Variants in AGO3 observed in about 807,000 individuals in gnomAD.
AGO3 encodes the protein argonaute RISC catalytic component 3.
A neutral mutation model predicts 105.5 loss-of-function variants in AGO3; 16 were observed. That is an observed-to-expected ratio of 0.15 (90% CI 0.10 to 0.23). The LOEUF (loss-of-function observed/expected upper bound fraction) is 0.23. AGO3 is among the 10% of genes least tolerant of loss of function. The probability of loss-of-function intolerance (pLI) is 1.00; values close to 1 mark genes in which losing one functional copy is unlikely to be tolerated. For missense variants in AGO3, 534 were observed against 1,088.0 expected (o/e 0.49, Z 7.16); for synonymous variants, 340 against 367.3 (o/e 0.93, Z 0.85).
intron 1 of AGO3, among the ~76,000 whole-genome samples, chr1:35,944,340 G>GTGCCTGGC (rs974911049): frequency 2.6e-5 from 4 of 151,818 alleles, no homozygotes; most frequent in African/African-American, 9.7e-5. Context: ...ACAAGATGCT[G>GTGCCTGGC]TGCCTGGCTA....
chr1:36,041,072 C>CA (rs35842002), intron 16 of AGO3, among the ~76,000 whole-genome samples: 1,299 of 32,264 alleles, frequency 0.04, 36 homozygotes, highest in African/African-American at 0.091. Context: ...AACTCCATCT[C>CA]AAAAAAAAAA....
chr1:35,936,600 G>A (rs1188041676), intron 1 of AGO3, among the ~76,000 whole-genome samples: 1 of 152,110 alleles, frequency 6.6e-6, no homozygotes, highest in Non-Finnish European at 1.5e-5. Flanking sequence ...GGGATTACAG[G>A]CATGAGCCAC....
At chr1:36,004,781 A>C (rs1040748608) in intron 6 of AGO3, among the ~76,000 whole-genome samples, 4 of 152,150 alleles carry the variant, frequency 2.6e-5, no homozygotes, top group African/African-American at 4.8e-5. Flanking sequence ...AAAAGTAGGA[A>C]GCTCACTCCA....
chr1:36,040,623 G>A (rs538908959), intron 16 of AGO3, among the ~76,000 whole-genome samples, 182 bp downstream of exon 16: 2 of 152,260 alleles, frequency 1.3e-5, no homozygotes, highest in South Asian at 2.1e-4. Flanking sequence ...AGAATTTCTA[G>A]TCACACTCCA....
At chr1:35,966,168 A>G (rs571075822) in intron 2 of AGO3, among the ~76,000 whole-genome samples, 1 of 152,270 alleles carries the variant, frequency 6.6e-6, no homozygotes, top group East Asian at 1.9e-4. Flanking sequence ...ATACTATGTG[A>G]GTACATTCTC....
intron 1 of AGO3, among the ~76,000 whole-genome samples, chr1:35,943,853 G>T (rs777427861): frequency 6.6e-6 from 1 of 151,464 alleles, no homozygotes; most frequent in South Asian, 2.1e-4. Context: ...TGCCCACCTC[G>T]GCCTCCCAAA....
chr1:35,942,881 T>A (rs1646282067), intron 1 of AGO3, among the ~76,000 whole-genome samples: 1 of 152,254 alleles, frequency 6.6e-6, no homozygotes, highest in African/African-American at 2.4e-5. Flanking sequence ...AATCTGCATT[T>A]GCTCATATCT....
At chr1:35,987,993 G>A (rs6682538) in intron 5 of AGO3, among the ~76,000 whole-genome samples, 6,070 of 151,304 alleles carry the variant, frequency 0.04, 412 homozygotes, top group African/African-American at 0.14. Context: ...GCTTGAACCC[G>A]GGAGGCGGAG....
chr1:35,993,959 G>A (rs556210847), intron 5 of AGO3, among the ~76,000 whole-genome samples: 4 of 147,990 alleles, frequency 2.7e-5, no homozygotes, highest in East Asian at 2.0e-4. Flanking sequence ...TTGGCCAGGC[G>A]TGTCTCAAAC....
chr1:36,003,020 G>A (rs1483955890), intron 5 of AGO3, among the ~76,000 whole-genome samples: 5 of 151,974 alleles, frequency 3.3e-5, no homozygotes, highest in Admixed American at 1.3e-4. Context: ...GCAGTGAGCC[G>A]AGATCGCGCC....
intron 5 of AGO3, among the ~76,000 whole-genome samples, chr1:35,994,695 A>G (rs916304746): frequency 1.3e-5 from 2 of 152,240 alleles, no homozygotes; most frequent in South Asian, 2.1e-4. Context: ...ACAGGATGCT[A>G]ACTGCATAAA....
chr1:36,026,155 C>T (rs1339476537), intron 11 of AGO3, among the ~76,000 whole-genome samples: 2 of 152,148 alleles, frequency 1.3e-5, no homozygotes, highest in East Asian at 3.9e-4. Context: ...GTCACCTAGG[C>T]TGGAGTGCAG....
At position 35,991,251 on chromosome 1, in the gene AGO3, C is replaced by T. The variant is rs369554114; in HGVS notation, c.659-13090C>T. ...CAGAGGTTGCAGTGAGCCAAGATCG[C>T]GCCACTGCACCCAGCTTGGGCGACA... On this transcript the variant is annotated intron_variant, in intron 5 of 18. Transcript: ENST00000373191. 5.3e-5 allele frequency among the ~76,000 whole-genome samples: 8 copies of T among 152,134 alleles called. No individual in the cohort carries two copies. In the East Asian group the frequency reaches 9.7e-4, roughly 18 times the overall value.
At chr1:35,966,115 G>A (rs1646770275) in intron 2 of AGO3, among the ~76,000 whole-genome samples, 2 of 152,262 alleles carry the variant, frequency 1.3e-5, no homozygotes, top group South Asian at 4.1e-4. Flanking sequence ...GTAAGCCACT[G>A]TGCCTGGCCT....
Position 36,036,170 on chromosome 1 carries a change from G to GT in AGO3, c.1752-4dup, listed in dbSNP as rs1557703508. On this transcript the variant is annotated splice_polypyrimidine_tract_variant and splice_region_variant and intron_variant, in intron 13 of 18. Coordinates refer to ENST00000373191, the MANE Select transcript of AGO3 (RefSeq NM_024852.4). ...AATATCTAACCCTTTTTCAAAATGT[G>GT]TTTAAGACCTTCTGTGTTCCAGCAA... 9.9e-6 allele frequency: 16 copies of GT among 1,612,792 alleles called. No individual in the cohort carries two copies. Among genetic ancestry groups the GT allele is most frequent in the Non-Finnish European group, 1.3e-5 (15 of 1,179,310 alleles).
intron 5 of AGO3, among the ~76,000 whole-genome samples, chr1:35,996,166 A>AT (rs869070504): frequency 5.3e-5 from 8 of 151,720 alleles, no homozygotes; most frequent in Admixed American, 2.0e-4. Context: ...TAGTAAAAAA[A>AT]TTTTTTTAAT....
intron 1 of AGO3, among the ~76,000 whole-genome samples, chr1:35,942,690 T>C (rs764309484): frequency 6.6e-6 from 1 of 152,210 alleles, no homozygotes; most frequent in Non-Finnish European, 1.5e-5. Context: ...AATTTAGTGC[T>C]GGACATCACA....
chr1:35,975,798 G>C (rs1403829512), intron 5 of AGO3, among the ~76,000 whole-genome samples: 1 of 151,956 alleles, frequency 6.6e-6, no homozygotes, highest in East Asian at 1.9e-4. Flanking sequence ...AATTAAGTTA[G>C]GACAAATTGG....
At chr1:36,049,538 A>T (rs1198208773) in intron 17 of AGO3, among the ~76,000 whole-genome samples, 5 of 151,974 alleles carry the variant, frequency 3.3e-5, no homozygotes, top group African/African-American at 1.2e-4. Flanking sequence ...AAAGAAAAGA[A>T]AAACTACTGG....
Sources: gnomAD v4.1 joint callset for allele counts (sites outside exome capture counted in the v4.1 genomes callset) on GRCh38, gnomAD v4.1.1 for gene constraint, MANE v1.5 for transcripts, NCBI Gene and HGNC (gene_info 2026-07-23, HGNC 2026-07-21) for gene names.